The following NAALADL2 variants were observed in gnomAD, a reference collection of about 807,000 sequenced individuals.
NAALADL2 encodes the protein N-acetylated alpha-linked acidic dipeptidase like 2.
NAALADL2 carries 76 observed loss-of-function variants against 87.2 expected under a neutral mutation model. The observed-to-expected ratio is 0.87, with a 90% CI of 0.72 to 1.05. NAALADL2 has a LOEUF of 1.05. Ranked by LOEUF, NAALADL2 falls within the 50% of genes least tolerant of loss-of-function variation. The pLI is 0.00. For missense variants in NAALADL2, 1,089 were observed against 945.8 expected, an observed-to-expected ratio of 1.15 and a Z score of -1.99; for synonymous variants, 354 against 331.0, an observed-to-expected ratio of 1.07 and a Z score of -0.75.
intron 1 of NAALADL2, among the ~76,000 whole-genome samples, chr3:175,071,647 G>T (rs1416938505): frequency 1.3e-5 from 2 of 152,010 alleles, no homozygotes; most frequent in Non-Finnish European, 2.9e-5. Flanking sequence ...GGTTGTATCA[G>T]TTGACTGGGG....
chr3:175,739,204 T>C (rs745382341), intron 12 of NAALADL2, among the ~76,000 whole-genome samples: 3 of 151,218 alleles, frequency 2.0e-5, no homozygotes, highest in Admixed American at 6.6e-5. Flanking sequence ...TTAGCAATAC[T>C]GTCATTTTAC....
chr3:174,731,349 A>G (rs895192378), intron 2 of NAALADL2, among the ~76,000 whole-genome samples: 2 of 152,130 alleles, frequency 1.3e-5, no homozygotes, highest in Admixed American at 1.3e-4. Context: ...GGCACTTGGT[A>G]TATTGTCTTT....
chr3:175,620,997 T>G (rs1419366494), intron 10 of NAALADL2, among the ~76,000 whole-genome samples: 1 of 152,098 alleles, frequency 6.6e-6, no homozygotes, highest in East Asian at 1.9e-4. Flanking sequence ...ATAAGGAGGC[T>G]CTGACCGGAG....
intron 2 of NAALADL2, among the ~76,000 whole-genome samples, chr3:174,699,886 T>TTTGGGGAATTACTGATC (rs1729394519): frequency 6.6e-6 from 1 of 151,390 alleles, no homozygotes; most frequent in Non-Finnish European, 1.5e-5. Context: ...TGCTTAGACT[T>TTTGGGGAATTACTGATC]TTGGGGAATT....
chr3:175,017,476 A>G lies in NAALADL2; in HGVS notation c.44-79314A>G, dbSNP rs138764445. Among the ~76,000 whole-genome samples the G allele has an allele frequency of 3.5e-3, 535 of 152,190 alleles. 1 individual carries two copies. The highest frequency in any genetic ancestry group is 0.017 in the Middle Eastern group (5 of 294). ...TGTCAGTATAAACAGGGAGAAGGTC[A>G]TACAATTCTGTACGTACAAGGAATC... is the stretch of plus-strand genomic sequence containing the variant. On this transcript the variant is annotated intron_variant, in intron 1 of 13. Transcript: ENST00000454872.
intron 1 of NAALADL2, among the ~76,000 whole-genome samples, chr3:174,527,130 A>G (rs1720840746): frequency 1.3e-5 from 2 of 152,196 alleles, no homozygotes; most frequent in Admixed American, 6.5e-5. Flanking sequence ...GTGAAGATGC[A>G]CTTATTCAAT....
At chr3:174,523,952 A>G (rs1720497482) in intron 1 of NAALADL2, among the ~76,000 whole-genome samples, 1 of 152,116 alleles carries the variant, frequency 6.6e-6, no homozygotes, top group Admixed American at 6.5e-5. Context: ...TATCTCTCTT[A>G]GAGAAAATTA....
chr3:175,655,316 A>C (rs80213078), intron 11 of NAALADL2, among the ~76,000 whole-genome samples: 6,381 of 152,186 alleles, frequency 0.042, 460 homozygotes, highest in African/African-American at 0.15. Context: ...TATTGACATA[A>C]ATAACTTTTT....
chr3:175,605,957 T>C (rs997844675), intron 10 of NAALADL2, among the ~76,000 whole-genome samples: 1 of 151,994 alleles, frequency 6.6e-6, no homozygotes, highest in Admixed American at 6.6e-5. Flanking sequence ...CAAAGGAAAA[T>C]ATTTGTCACA....
rs1163373340 is a variant in NAALADL2, at chr3:174,763,586, C to CAAAAA, written c.-9+25851_-9+25855dup. Reference sequence around the variant, plus strand: ...TGGGCTACAGAGCGAGACTCCATCTCAAAAAAAAAAAAAAAGACTAAAATG... The same window carrying CAAAAA: ...TGGGCTACAGAGCGAGACTCCATCTCAAAAAAAAAAAAAAAAAAAAGACTAAAATG... On this transcript the variant is annotated intron_variant, in intron 3 of 3. Coordinates refer to the NAALADL2 transcript ENST00000434257. Among the ~76,000 whole-genome samples the CAAAAA allele has an allele frequency of 9.7e-4, 47 of 48,370 alleles. 2 individuals carry two copies. Among genetic ancestry groups the CAAAAA allele is most frequent in the Non-Finnish European group, 1.3e-3 (37 of 27,744 alleles). The allele number at this position is 48,370 out of a possible 152,430, so 31.7% of individuals were successfully genotyped here.
At chr3:175,458,699 G>A (rs1423519535) in intron 6 of NAALADL2, among the ~76,000 whole-genome samples, 1 of 151,428 alleles carries the variant, frequency 6.6e-6, no homozygotes, top group Non-Finnish European at 1.5e-5. Flanking sequence ...TCATTAAATG[G>A]AATATATTTA....
chr3:174,704,411 CAT>C (rs1252915546), intron 2 of NAALADL2, among the ~76,000 whole-genome samples: 6 of 151,934 alleles, frequency 3.9e-5, no homozygotes, highest in Non-Finnish European at 7.4e-5. Context: ...TTATAAGCAA[CAT>C]ATTTAATTTA....
At chr3:175,673,870 T>C (rs1429756040) in intron 11 of NAALADL2, among the ~76,000 whole-genome samples, 1 of 151,810 alleles carries the variant, frequency 6.6e-6, no homozygotes, top group Admixed American at 6.6e-5. Context: ...TCCATGCATA[T>C]AGGCAGGTGG....
intron 2 of NAALADL2, among the ~76,000 whole-genome samples, chr3:174,669,515 T>C (rs1726315578): frequency 1.3e-5 from 2 of 152,132 alleles, no homozygotes. Flanking sequence ...CCTCTTTATG[T>C]GGTCTTGGTA....
chr3:175,117,632 A>T (rs1373370710), intron 2 of NAALADL2, among the ~76,000 whole-genome samples: 1 of 150,504 alleles, frequency 6.6e-6, no homozygotes, highest in Non-Finnish European at 1.5e-5. Flanking sequence ...GCTGGAGAGG[A>T]TGTGGAGAAA....
At chr3:175,114,421 C>A (rs1310796088) in intron 2 of NAALADL2, among the ~76,000 whole-genome samples, 6 of 151,574 alleles carry the variant, frequency 4.0e-5, no homozygotes, top group African/African-American at 7.3e-5. Context: ...TATAAGGTAC[C>A]CACTTTAGGC....
chr3:175,304,793 G>C (rs1757493861), intron 4 of NAALADL2, among the ~76,000 whole-genome samples: 2 of 152,056 alleles, frequency 1.3e-5, no homozygotes, highest in Admixed American at 6.5e-5. Flanking sequence ...ATACTATAAT[G>C]TGCAAATACT....
intron 2 of NAALADL2, among the ~76,000 whole-genome samples, chr3:174,637,066 G>T (rs1405668982): frequency 6.6e-6 from 1 of 152,104 alleles, no homozygotes; most frequent in Non-Finnish European, 1.5e-5. Flanking sequence ...AAATAAGCAA[G>T]GCACAGAAAC....
At chr3:174,946,603 T>C (rs926545142) in intron 1 of NAALADL2, among the ~76,000 whole-genome samples, 2 of 152,362 alleles carry the variant, frequency 1.3e-5, no homozygotes, top group Middle Eastern at 6.8e-3. Flanking sequence ...CATTTTTATT[T>C]ATACATAGTT....
Sources: gnomAD v4.1 joint callset for allele counts (sites outside exome capture counted in the v4.1 genomes callset) on GRCh38, gnomAD v4.1.1 for gene constraint, MANE v1.5 for transcripts, NCBI Gene and HGNC (gene_info 2026-07-23, HGNC 2026-07-21) for gene names.